IQCM: variants seen among roughly 807,000 people sequenced by gnomAD.
IQCM encodes IQ domain-containing protein M.
IQCM carries 45 observed loss-of-function variants against 57.6 expected under a neutral mutation model. The observed-to-expected ratio is 0.78, with a 90% CI of 0.62 to 1.00. IQCM has a LOEUF of 1.00. IQCM is among the 50% of genes least tolerant of loss of function. IQCM has a pLI of 0.00. For missense variants in IQCM, 468 were observed against 511.6 expected, an observed-to-expected ratio of 0.91 and a Z score of 0.82; for synonymous variants, 148 against 158.9, an observed-to-expected ratio of 0.93 and a Z score of 0.51.
chr4:149,794,024 G>T (rs1287850732), intron 2 of IQCM, among the ~76,000 whole-genome samples: 1 of 152,230 alleles, frequency 6.6e-6, no homozygotes, highest in Non-Finnish European at 1.5e-5. Context: ...GTGTTTAACA[G>T]GGTTTAGAGA....
chr4:149,744,395 G>A (rs1767734767), intron 2 of IQCM, among the ~76,000 whole-genome samples: 1 of 152,092 alleles, frequency 6.6e-6, no homozygotes, highest in Admixed American at 6.6e-5. Context: ...AAAATGTTTT[G>A]TGCTCCATCA....
chr4:149,522,154 AACAG>A (rs1745715607), intron 12 of IQCM, among the ~76,000 whole-genome samples: 2 of 152,172 alleles, frequency 1.3e-5, no homozygotes, highest in Admixed American at 1.3e-4. Flanking sequence ...ACTACCATGG[AACAG>A]ACAGAGTTAT....
At chr4:149,589,156 T>C (rs779500920) in intron 8 of IQCM, among the ~76,000 whole-genome samples, 2 of 151,960 alleles carry the variant, frequency 1.3e-5, no homozygotes, top group Non-Finnish European at 2.9e-5. Context: ...AGGACAATTT[T>C]TGTATAAAAT....
chr4:149,722,065 A>G (rs1338429406), intron 5 of IQCM, among the ~76,000 whole-genome samples: 1 of 151,970 alleles, frequency 6.6e-6, no homozygotes, highest in Non-Finnish European at 1.5e-5. Context: ...AATTCTTCAT[A>G]TGTTTTTTGA....
intron 12 of IQCM, among the ~76,000 whole-genome samples, chr4:149,469,309 A>G (rs544434643): frequency 1.3e-5 from 2 of 152,342 alleles, no homozygotes; most frequent in Admixed American, 1.3e-4. Flanking sequence ...ACCATGGCAC[A>G]AGAACTACGT....
intron 8 of IQCM, among the ~76,000 whole-genome samples, chr4:149,590,142 G>A (rs1188001749): frequency 6.7e-6 from 1 of 150,086 alleles, no homozygotes; most frequent in Non-Finnish European, 1.5e-5. Flanking sequence ...TTCTTTAGAT[G>A]TCCTCTGTGA....
intron 2 of IQCM, among the ~76,000 whole-genome samples, chr4:149,743,729 G>T (rs1767673165): frequency 6.6e-6 from 1 of 152,134 alleles, no homozygotes; most frequent in African/African-American, 2.4e-5. Context: ...TTCTAGAGGT[G>T]CTCAACAAAG....
intron 7 of IQCM, among the ~76,000 whole-genome samples, chr4:149,680,938 TA>T (rs1762131126): frequency 6.6e-6 from 1 of 151,304 alleles, no homozygotes; most frequent in African/African-American, 2.4e-5. Flanking sequence ...ACATCCAAAC[TA>T]AAGCTATGAG....
chr4:149,534,434 T>G (rs1467672584), intron 12 of IQCM, among the ~76,000 whole-genome samples: 1 of 152,112 alleles, frequency 6.6e-6, no homozygotes, highest in Admixed American at 6.6e-5. Flanking sequence ...CTTGTATGGG[T>G]GTATCTGTGT....
At chr4:149,601,659 C>T (rs987245414) in intron 8 of IQCM, among the ~76,000 whole-genome samples, 8 of 152,166 alleles carry the variant, frequency 5.3e-5, no homozygotes, top group African/African-American at 1.7e-4. Context: ...TGAGGGTCAA[C>T]ATTTAGTATA....
At chr4:149,798,977 A>G (rs1038179363) in intron 2 of IQCM, among the ~76,000 whole-genome samples, 1 of 151,906 alleles carries the variant, frequency 6.6e-6, no homozygotes, top group Non-Finnish European at 1.5e-5. Flanking sequence ...CTATACACCA[A>G]TTGGATCTAA....
chr4:149,498,894 G>T (rs1300579485), intron 12 of IQCM, among the ~76,000 whole-genome samples: 2 of 152,054 alleles, frequency 1.3e-5, no homozygotes, highest in Non-Finnish European at 2.9e-5. Context: ...TTGAAGTTTT[G>T]CACTGGAATA....
intron 7 of IQCM, among the ~76,000 whole-genome samples, chr4:149,663,606 G>A (rs945540380): frequency 1.3e-5 from 2 of 151,214 alleles, no homozygotes; most frequent in African/African-American, 4.8e-5. Flanking sequence ...GCTAGGTATA[G>A]TATTCTTTAC....
At chr4:149,541,441 AG>A (rs917007356) in intron 12 of IQCM, among the ~76,000 whole-genome samples, 1 of 152,130 alleles carries the variant, frequency 6.6e-6, no homozygotes, top group African/African-American at 2.4e-5. Context: ...ATGAACTAAA[AG>A]TTCTATTTAC....
chr4:149,371,318 C>T (rs1265260252), intron 13 of IQCM, among the ~76,000 whole-genome samples: 1 of 152,148 alleles, frequency 6.6e-6, no homozygotes, highest in African/African-American at 2.4e-5. Flanking sequence ...ATCGACTCTG[C>T]CTGTGACCCA....
In IQCM at chr4:149,401,490, C is replaced by G. The variant is rs944058269; in HGVS notation, c.1390+31906G>C. Among the ~76,000 whole-genome samples the G allele has an allele frequency of 8.6e-5, 13 of 151,668 alleles. No homozygotes were observed. The East Asian group carries it at 2.5e-3, about 30-fold the overall frequency. Reference sequence around the variant, plus strand: ...TGACCATAAACATTTAGTTAAGGACCATATATGTTTGATCCAGATATTTGT... The same window carrying G: ...TGACCATAAACATTTAGTTAAGGACGATATATGTTTGATCCAGATATTTGT... On this transcript the variant is annotated intron_variant, in intron 13 of 13. Transcript: ENST00000636793.
At position 149,612,089 on chromosome 4, in the gene IQCM, G is replaced by GGAGA. The variant is rs3057351; in HGVS notation, c.681+9036_681+9039dup. Among the ~76,000 whole-genome samples the GGAGA allele has an allele frequency of 3.4e-5, 5 of 148,888 alleles. No individual in the cohort carries two copies. The South Asian group carries it at 6.4e-4, about 19-fold the overall frequency. Reference sequence around the variant, plus strand: ...GTAGGGCACATCTTACATGGGGGAAGGAGAGAGAGAGAGAGAGAGAGCAAA... The same window carrying GGAGA: ...GTAGGGCACATCTTACATGGGGGAAGGAGAGAGAGAGAGAGAGAGAGAGAGCAAA... On this transcript the variant is annotated intron_variant, in intron 8 of 13. Transcript: ENST00000636793.
At chr4:149,604,768 G>T (rs1754627979) in intron 8 of IQCM, among the ~76,000 whole-genome samples, 1 of 152,106 alleles carries the variant, frequency 6.6e-6, no homozygotes, top group Non-Finnish European at 1.5e-5. Flanking sequence ...TGCCTTATTT[G>T]GCTGCCTTTT....
chr4:149,362,858 T>A (rs1729588763), intron 13 of IQCM, among the ~76,000 whole-genome samples: 1 of 152,198 alleles, frequency 6.6e-6, no homozygotes, highest in Admixed American at 6.5e-5. Flanking sequence ...ACAAAACTTC[T>A]TGGGGAAAAA....
Sources: gnomAD v4.1 joint callset for allele counts (sites outside exome capture counted in the v4.1 genomes callset) on GRCh38, gnomAD v4.1.1 for gene constraint, MANE v1.5 for transcripts, NCBI Gene and HGNC (gene_info 2026-07-23, HGNC 2026-07-21) for gene names.